The following MAPK10 variants were observed in gnomAD, a reference collection of about 807,000 sequenced individuals.
The protein encoded by MAPK10 is mitogen-activated protein kinase 10, also known as JNK3 alpha protein kinase.
Under a neutral mutation model 59.3 loss-of-function variants are expected in MAPK10, and 25 were observed. That is an observed-to-expected ratio of 0.42 (90% CI 0.31 to 0.59). The LOEUF (loss-of-function observed/expected upper bound fraction) is 0.59. MAPK10 is among the 20% of genes least tolerant of loss of function. The pLI, the probability that MAPK10 is intolerant of heterozygous loss-of-function variation, is 0.15. For synonymous variants in MAPK10, 190 were observed against 200.5 expected (o/e 0.95, Z 0.44); for missense variants, 351 against 568.9 (o/e 0.62, Z 3.90).
At position 86,438,707 on chromosome 4, in the gene MAPK10, AC is replaced by A. The variant is rs1245481527; in HGVS notation, c.-122+14322del. On this transcript the variant is annotated intron_variant, in intron 1 of 13. Transcript: ENST00000361569. ...CTCCATCTCAAAAAAAAAAAAAAAA[AC>A]ATGCAAGGATTTTTTGGGAAATGCC... Among the ~76,000 whole-genome samples the A allele has an allele frequency of 2.7e-4, 41 of 151,724 alleles. 1 individual carries two copies. The highest frequency in any genetic ancestry group is 4.6e-4 in the African/African-American group (19 of 41,378).
chr4:86,437,030 G>A (rs1748827300), intron 1 of MAPK10, among the ~76,000 whole-genome samples: 1 of 151,974 alleles, frequency 6.6e-6, no homozygotes, highest in Admixed American at 6.6e-5. Flanking sequence ...GGCTAACACG[G>A]TGAAACCACA....
chr4:86,029,375 G>C (rs987704198), intron 12 of MAPK10, 101 bp from the exon 13 acceptor site: 7 of 702,566 alleles, frequency 1.0e-5, no homozygotes, highest in Non-Finnish European at 1.7e-5. Context: ...ATGGGGTTGA[G>C]TAAATTAAAA....
intron 1 of MAPK10, among the ~76,000 whole-genome samples, chr4:86,578,148 G>A (rs1215043183): frequency 1.3e-5 from 2 of 152,082 alleles, no homozygotes; most frequent in East Asian, 3.8e-4. Context: ...AACCCCAGGG[G>A]ACATTTGGCA....
In MAPK10 at chr4:86,015,220, T is replaced by G. The variant is rs1454030369; in HGVS notation, c.*2008A>C. ...AATGACTGCGTGTACTGAATCTGAC[T>G]GTGTGAAATAATCTCAGAATGGCAG... On this transcript the variant is annotated 3_prime_UTR_variant, in exon 14 of 14. Transcript: ENST00000641462. The G allele has an allele frequency of 6.6e-6, 1 of 152,204 alleles. No individual in the cohort carries two copies. The highest frequency in any genetic ancestry group is 1.5e-5 in the Non-Finnish European group (1 of 68,042). 9.4% of individuals were successfully genotyped at this position (152,204 alleles called of 1,614,324 possible).
At chr4:86,444,447 A>C (rs2149049786) in intron 1 of MAPK10, among the ~76,000 whole-genome samples, 1 of 152,270 alleles carries the variant, frequency 6.6e-6, no homozygotes, top group East Asian at 1.9e-4. Context: ...TAAATGTAAA[A>C]CCCAAAGCTA....
At chr4:86,251,031 T>C (rs564207824) in intron 2 of MAPK10, among the ~76,000 whole-genome samples, 1 of 140,022 alleles carries the variant, frequency 7.1e-6, no homozygotes, top group South Asian at 2.2e-4. Flanking sequence ...AGTGAAGGAA[T>C]TGTCCATCAC....
At position 86,198,450 on chromosome 4, in the gene MAPK10, T is replaced by G. The variant is rs139251703; in HGVS notation, c.-6-4043A>C. On this transcript the variant is annotated intron_variant, in intron 2 of 13. Coordinates refer to ENST00000641462, the MANE Select transcript of MAPK10 (RefSeq NM_138982.4). ...CTATTGCTCTGAGTAATAAAGACCCTCGTATCTGACCCAGGAGTCTTGTAT... is the reference window on the plus strand; with the variant it reads ...CTATTGCTCTGAGTAATAAAGACCCGCGTATCTGACCCAGGAGTCTTGTAT... Among the ~76,000 whole-genome samples the G allele has an allele frequency of 1.8e-4, 28 of 152,244 alleles. 1 individual carries two copies. The East Asian group carries it at 5.4e-3, about 29-fold the overall frequency.
At chr4:86,402,995 G>A (rs1743916463) in intron 1 of MAPK10, among the ~76,000 whole-genome samples, 1 of 152,080 alleles carries the variant, frequency 6.6e-6, no homozygotes, top group African/African-American at 2.4e-5. Context: ...CACCTATAGT[G>A]AGATCCTATG....
At chr4:86,240,595 CCT>C (rs1178729121) in intron 2 of MAPK10, among the ~76,000 whole-genome samples, 1 of 150,882 alleles carries the variant, frequency 6.6e-6, no homozygotes, top group Non-Finnish European at 1.5e-5. Flanking sequence ...TATGTAATGC[CCT>C]TTTTTGTCTT....
intron 1 of MAPK10, among the ~76,000 whole-genome samples, chr4:86,536,581 G>C (rs1166485954): frequency 6.6e-6 from 1 of 152,086 alleles, no homozygotes; most frequent in Non-Finnish European, 1.5e-5. Flanking sequence ...TCTTCCTTTA[G>C]TTGTAGATAC....
At chr4:86,063,463 G>A (rs2046110228) in intron 11 of MAPK10, among the ~76,000 whole-genome samples, 1 of 152,114 alleles carries the variant, frequency 6.6e-6, no homozygotes, top group Admixed American at 6.6e-5. Flanking sequence ...CATGTTTAAG[G>A]GAGAAGGTAA....
intron 1 of MAPK10, among the ~76,000 whole-genome samples, chr4:86,480,286 G>T (rs55814693): frequency 0.23 from 34,276 of 151,720 alleles, 4,775 homozygotes; most frequent in Admixed American, 0.31. Flanking sequence ...GCTCATCCTG[G>T]CTCAAAAATC....
At chr4:86,527,987 C>T (rs928790266) in intron 1 of MAPK10, among the ~76,000 whole-genome samples, 2 of 151,986 alleles carry the variant, frequency 1.3e-5, no homozygotes, top group Non-Finnish European at 2.9e-5. Flanking sequence ...ACAATAGACT[C>T]GGGTCTATTA....
intron 1 of MAPK10, among the ~76,000 whole-genome samples, chr4:86,396,035 T>G (rs181113801): frequency 1.3e-3 from 202 of 152,344 alleles, no homozygotes; most frequent in South Asian, 0.011. Flanking sequence ...GGAGCCTTTT[T>G]TACGTGAACC....
At chr4:86,149,670 A>T (rs2065915149) in intron 4 of MAPK10, among the ~76,000 whole-genome samples, 1 of 152,262 alleles carries the variant, frequency 6.6e-6, no homozygotes, top group Non-Finnish European at 1.5e-5. Context: ...GCCAGCTACA[A>T]TAATGAAAAC....
chr4:86,086,530 C>T (rs2051904654), intron 9 of MAPK10, among the ~76,000 whole-genome samples: 2 of 151,892 alleles, frequency 1.3e-5, no homozygotes, highest in South Asian at 4.2e-4. Context: ...ATATACACAG[C>T]TATTATGTAC....
At chr4:86,285,466 C>T (rs1472221141) in intron 2 of MAPK10, among the ~76,000 whole-genome samples, 1 of 152,074 alleles carries the variant, frequency 6.6e-6, no homozygotes, top group Non-Finnish European at 1.5e-5. Context: ...CCACCCGCCT[C>T]GACCTCCCAA....
chr4:86,573,362 A>G (rs1442885662), intron 1 of MAPK10, among the ~76,000 whole-genome samples: 1 of 152,132 alleles, frequency 6.6e-6, no homozygotes, highest in Non-Finnish European at 1.5e-5. Flanking sequence ...TTTTACTAAC[A>G]ATGTTTTACC....
intron 3 of MAPK10, chr4:86,160,508 C>T (rs1275615062): frequency 6.6e-6 from 1 of 151,950 alleles, no homozygotes. Flanking sequence ...GTGGTTTTGA[C>T]CCATTTGGGG....
Sources: allele counts gnomAD v4.1 joint callset (sites outside exome capture counted in the v4.1 genomes callset), GRCh38; gene constraint gnomAD v4.1.1; transcripts MANE v1.5; gene names NCBI Gene and HGNC (gene_info 2026-07-23, HGNC 2026-07-21).